Variants in ENOSF1 observed in about 807,000 individuals in gnomAD.
ENOSF1 encodes the protein mitochondrial enolase superfamily member 1.
A neutral mutation model predicts 68.2 loss-of-function variants in ENOSF1; 73 were observed. The ratio of observed to expected loss-of-function variants is 1.07; its 90% CI spans 0.89 to 1.30. The LOEUF (loss-of-function observed/expected upper bound fraction) is 1.30, where lower values mean the gene tolerates loss of function less well. ENOSF1 is among the 50% of genes most tolerant of loss of function. The pLI is 0.00. For synonymous variants in ENOSF1, 223 were observed against 210.4 expected (o/e 1.06, Z -0.52); for missense variants, 589 against 554.5 (o/e 1.06, Z -0.62).
chr18:680,389 G>C (rs935479030), intron 11 of ENOSF1, among the ~76,000 whole-genome samples: 1 of 152,182 alleles, frequency 6.6e-6, no homozygotes, highest in African/African-American at 2.4e-5. Flanking sequence ...ACGGAGGAAG[G>C]GGGAGGAGGA....
chr18:685,428 C>T (rs2076523237), intron 10 of ENOSF1, among the ~76,000 whole-genome samples: 1 of 151,544 alleles, frequency 6.6e-6, no homozygotes, highest in Admixed American at 6.6e-5. Context: ...TCTATTTTAA[C>T]TTATGCAAAA....
In ENOSF1 at chr18:712,612, C is replaced by T. The variant is rs1157600622; in HGVS notation, c.-25G>A. On this transcript the variant is annotated 5_prime_UTR_variant, in exon 1 of 16. Coordinates refer to ENST00000647584, the MANE Select transcript of ENOSF1 (RefSeq NM_017512.7). ...TGGCCCCTGCGCCCCGTGGCCGCGG[C>T]CCCCGTGCGGTCAGGACTGGTCGGG... 6.5e-7 allele frequency: 1 copy of T among 1,528,176 alleles called. No individual in the cohort carries two copies. Among genetic ancestry groups the T allele is most frequent in the Non-Finnish European group, 8.7e-7 (1 of 1,143,050 alleles). The allele number at this position is 1,528,176 out of a possible 1,614,324, so 94.7% of individuals were successfully genotyped here.
In ENOSF1 at chr18:671,228, C is replaced by A. The variant is rs2075032857; in HGVS notation, c.*3077G>T. The A allele has an allele frequency of 1.5e-6, 1 of 655,956 alleles. No individual in the cohort carries two copies. The highest frequency in any genetic ancestry group is 2.7e-6 in the Non-Finnish European group (1 of 372,538). 40.6% of individuals were successfully genotyped at this position (655,956 alleles called of 1,614,324 possible). On this transcript the variant is annotated 3_prime_UTR_variant, in exon 16 of 16. Transcript: ENST00000647584. ...TTCAATACCAGCCTGGGCAACATAA[C>A]AAGATGCTGTTGCTACAAAAAAATG...
chr18:683,691 C>T (rs887691084), intron 10 of ENOSF1, among the ~76,000 whole-genome samples: 1 of 152,136 alleles, frequency 6.6e-6, no homozygotes, highest in African/African-American at 2.4e-5. Flanking sequence ...GGTCCAATCT[C>T]CATCTAGATG....
Position 671,571 on chromosome 18 carries a change from C to A in ENOSF1, c.*2734G>T. The A allele has an allele frequency of 1.3e-6, 1 of 754,190 alleles. No individual in the cohort carries two copies. Among genetic ancestry groups the A allele is most frequent in the Non-Finnish European group, 2.3e-6 (1 of 436,204 alleles). 46.7% of individuals were successfully genotyped at this position (754,190 alleles called of 1,614,324 possible). ...AAAGATGACTGCTCCAAATGTGGGG[C>A]TTCAGTTTAGGGAGAAGTGGTGGGC... is the stretch of plus-strand genomic sequence containing the variant. On this transcript the variant is annotated 3_prime_UTR_variant, in exon 16 of 16. Coordinates refer to ENST00000647584, the MANE Select transcript of ENOSF1 (RefSeq NM_017512.7).
chr18:706,704 G>A (rs1940467540), intron 1 of ENOSF1, 126 bp from the exon 2 acceptor site: 2 of 653,560 alleles, frequency 3.1e-6, no homozygotes, highest in Non-Finnish European at 5.4e-6. Context: ...CCCATAGAAG[G>A]AACTGTTGCT....
At chr18:694,162 A>AGT in intron 4 of ENOSF1, 86 bp downstream of exon 4, 1 of 1,348,016 alleles carries the variant, frequency 7.4e-7, no homozygotes, top group Non-Finnish European at 1.0e-6. Context: ...TGGGGGCTGC[A>AGT]GTGTGTCTGT....
chr18:696,297 C>T (rs1475768735), intron 3 of ENOSF1, among the ~76,000 whole-genome samples: 1 of 149,310 alleles, frequency 6.7e-6, no homozygotes, highest in East Asian at 2.0e-4. Context: ...CTGCAAGCTC[C>T]GCCTCCCAGG....
At chr18:681,845 G>A (rs1049800116) in intron 11 of ENOSF1, among the ~76,000 whole-genome samples, 4 of 152,200 alleles carry the variant, frequency 2.6e-5, no homozygotes, top group African/African-American at 9.7e-5. Context: ...TGGAAGGGGA[G>A]GGCATTTCTG....
At chr18:705,545 GTCT>G (rs2078834942) in intron 2 of ENOSF1, among the ~76,000 whole-genome samples, 1 of 151,610 alleles carries the variant, frequency 6.6e-6, no homozygotes, top group Non-Finnish European at 1.5e-5. Context: ...TATGTTCTGT[GTCT>G]TCTGTTTAAG....
chr18:666,384 T>A (rs910878906), downstream of ENOSF1, among the ~76,000 whole-genome samples: 1 of 152,092 alleles, frequency 6.6e-6, no homozygotes, highest in African/African-American at 2.4e-5. Flanking sequence ...AGGGTCACAC[T>A]CCACTCCCAG....
intron 2 of ENOSF1, among the ~76,000 whole-genome samples, chr18:703,091 T>C (rs2078541925): frequency 6.6e-6 from 1 of 152,220 alleles, no homozygotes; most frequent in Admixed American, 6.5e-5. Flanking sequence ...AAATGGGTTC[T>C]GTCATGTTGT....
chr18:672,908 G>A lies in ENOSF1; in HGVS notation c.*1397C>T, dbSNP rs779604534. ...CCCAAAGCTCAGGATTCTTCGAAAA[G>A]TTGAGAAAATTGATGACTTCAAAGC... On this transcript the variant is annotated 3_prime_UTR_variant, in exon 16 of 16. Coordinates refer to ENST00000647584, the MANE Select transcript of ENOSF1 (RefSeq NM_017512.7). 2 of 1,598,938 alleles carry A rather than the reference G, an allele frequency of 1.3e-6. No homozygotes were observed. The highest frequency in any genetic ancestry group is 1.3e-5 in the African/African-American group (1 of 74,788).
At chr18:667,477 ATGGTGATGGT>A (rs2074874109), downstream of ENOSF1, among the ~76,000 whole-genome samples, 1 of 24,062 alleles carries the variant, frequency 4.2e-5, no homozygotes, top group Non-Finnish European at 7.2e-5. Flanking sequence ...GGTGATGGTG[ATGGTGATGGT>A]GATGGTGATG....
intron 3 of ENOSF1, among the ~76,000 whole-genome samples, chr18:695,566 G>C (rs992407617): frequency 6.0e-5 from 9 of 150,518 alleles, no homozygotes; most frequent in African/African-American, 1.7e-4. Context: ...TAATGGGCTT[G>C]ACCTTGTTGT....
intron 8 of ENOSF1, among the ~76,000 whole-genome samples, chr18:690,186 C>T (rs1336798175): frequency 6.6e-6 from 1 of 152,070 alleles, no homozygotes; most frequent in Non-Finnish European, 1.5e-5. Flanking sequence ...AGCCATTCCA[C>T]CAAATGATTC....
Position 670,679 on chromosome 18 carries a change from G to C in ENOSF1, c.*3626C>G. 6.2e-7 allele frequency: 1 copy of C among 1,613,192 alleles called. No individual in the cohort carries two copies. Among genetic ancestry groups the C allele is most frequent in the Non-Finnish European group, 8.5e-7 (1 of 1,179,454 alleles). On this transcript the variant is annotated 3_prime_UTR_variant, in exon 16 of 16. Transcript: ENST00000647584. Reference sequence around the variant, plus strand: ...CCACCATCCCTCCTTATCTTCCTCTGCTGGTTCCTCAGATCTTCCTCTGAT... The same window carrying C: ...CCACCATCCCTCCTTATCTTCCTCTCCTGGTTCCTCAGATCTTCCTCTGAT...
intron 3 of ENOSF1, 26 bp from the exon 4 acceptor site, chr18:694,360 C>G: frequency 1.9e-6 from 3 of 1,610,800 alleles, no homozygotes; most frequent in Non-Finnish European, 2.5e-6. Flanking sequence ...AGTACAAAAG[C>G]ACTTTTTAGA....
chr18:699,691 C>T (rs369286313), intron 2 of ENOSF1, among the ~76,000 whole-genome samples: 1 of 152,136 alleles, frequency 6.6e-6, no homozygotes, highest in Non-Finnish European at 1.5e-5. Flanking sequence ...TTGGTGCTGC[C>T]GTGGATTCAA....
Sources: gnomAD v4.1 joint callset for allele counts (sites outside exome capture counted in the v4.1 genomes callset) on GRCh38, gnomAD v4.1.1 for gene constraint, MANE v1.5 for transcripts, NCBI Gene and HGNC (gene_info 2026-07-23, HGNC 2026-07-21) for gene names.